EBF3: variants seen among roughly 807,000 people sequenced by gnomAD.
EBF3 encodes the protein EBF transcription factor 3.
Under a neutral mutation model 77.1 loss-of-function variants are expected in EBF3, and 18 were observed. The ratio of observed to expected loss-of-function variants is 0.23; its 90% CI spans 0.16 to 0.35. The LOEUF is 0.35. Ranked by LOEUF, EBF3 falls within the 10% of genes least tolerant of loss-of-function variation. EBF3 has a pLI of 1.00. For missense variants in EBF3, 558 were observed against 860.0 expected, an observed-to-expected ratio of 0.65 and a Z score of 4.39; for synonymous variants, 350 against 343.5, an observed-to-expected ratio of 1.02 and a Z score of -0.21.
intron 6 of EBF3, among the ~76,000 whole-genome samples, chr10:129,932,987 A>C (rs1475931272): frequency 6.9e-6 from 1 of 145,748 alleles, no homozygotes; most frequent in Non-Finnish European, 1.5e-5. Context: ...TGAGATTGCT[A>C]ATCAGGATTA....
At chr10:129,906,678 C>T (rs1855168259) in intron 6 of EBF3, among the ~76,000 whole-genome samples, 1 of 152,082 alleles carries the variant, frequency 6.6e-6, no homozygotes, top group Admixed American at 6.5e-5. Context: ...AAAACAAAAA[C>T]TTGAAAAAAA....
chr10:129,848,302 C>T lies in EBF3; in HGVS notation c.1128+90G>A. 7.5e-7 allele frequency: 1 copy of T among 1,337,298 alleles called. No homozygotes were observed. The allele number at this position is 1,337,298 out of a possible 1,614,324, so 82.8% of individuals were successfully genotyped here. On this transcript the variant is annotated intron_variant, in intron 11 of 16. Coordinates refer to ENST00000440978, the MANE Select transcript of EBF3 (RefSeq NM_001375380.1). This position sits in a 1 kb window ranked among gnomAD's most constrained non-coding sequence, Gnocchi z 4.4. Reference sequence around the variant, plus strand: ...ACAGAGTTTGGGGAATCTGCAATCCCCCCTTCCCAGAGCACCTGCTGCCCC... The same window carrying T: ...ACAGAGTTTGGGGAATCTGCAATCCTCCCTTCCCAGAGCACCTGCTGCCCC...
chr10:129,840,774 C>A, intron 14 of EBF3, 70 bp downstream of exon 14: 2 of 1,543,206 alleles, frequency 1.3e-6, no homozygotes, highest in Admixed American at 3.6e-5. Flanking sequence ...AACATCCAAG[C>A]AATGCACACA....
intron 10 of EBF3, among the ~76,000 whole-genome samples, chr10:129,854,536 T>C (rs1314759191): frequency 6.6e-6 from 1 of 152,124 alleles, no homozygotes; most frequent in Non-Finnish European, 1.5e-5. Flanking sequence ...TGATACGACG[T>C]GTAATACCCC....
chr10:129,908,655 T>C (rs184314717), intron 6 of EBF3, among the ~76,000 whole-genome samples: 1 of 152,344 alleles, frequency 6.6e-6, no homozygotes, highest in East Asian at 1.9e-4. Context: ...ATAAGCCGCG[T>C]TGCAGTTCGT....
At chr10:129,886,317 GCT>G (rs1426189704) in intron 6 of EBF3, among the ~76,000 whole-genome samples, 5 of 152,266 alleles carry the variant, frequency 3.3e-5, no homozygotes, top group African/African-American at 4.8e-5. Context: ...TGGGCGCACA[GCT>G]CTGAGTGGCA....
At chr10:129,912,255 G>A (rs993805898) in intron 6 of EBF3, among the ~76,000 whole-genome samples, 2 of 152,150 alleles carry the variant, frequency 1.3e-5, no homozygotes, top group Non-Finnish European at 2.9e-5. Flanking sequence ...AGGGCCCTGC[G>A]GCTCCTCTCC....
At chr10:129,946,719 C>T (rs1259681596) in intron 6 of EBF3, among the ~76,000 whole-genome samples, 1 of 152,210 alleles carries the variant, frequency 6.6e-6, no homozygotes, top group Non-Finnish European at 1.5e-5. Context: ...AGTGCCCCCA[C>T]ATTGTGGGGA....
At chr10:129,926,195 A>C (rs1205098957) in intron 6 of EBF3, among the ~76,000 whole-genome samples, 1 of 152,180 alleles carries the variant, frequency 6.6e-6, no homozygotes, top group East Asian at 1.9e-4. Context: ...ATTCATAATG[A>C]ATACCGAGAG....
chr10:129,842,425 G>T lies in EBF3; in HGVS notation c.1195-132C>A. On this transcript the variant is annotated intron_variant, in intron 12 of 16. Coordinates refer to ENST00000440978, the MANE Select transcript of EBF3 (RefSeq NM_001375380.1). The surrounding 1 kb of genome is among the most constrained non-coding windows in gnomAD (Gnocchi z 4.4). ...CATGACCAAATCTATTTCTTAATGG[G>T]CAAAGAGCTTCCCCTAGAAAATCAT... The T allele has an allele frequency of 1.9e-6, 2 of 1,030,206 alleles. No homozygotes were observed. Among genetic ancestry groups the T allele is most frequent in the Non-Finnish European group, 2.7e-6 (2 of 733,384 alleles). The allele number at this position is 1,030,206 out of a possible 1,614,324, so 63.8% of individuals were successfully genotyped here.
Position 129,885,537 on chromosome 10 carries a change from A to G in EBF3, c.555-7688T>C, listed in dbSNP as rs552669438. Among the ~76,000 whole-genome samples, 43 of 152,328 alleles carry G rather than the reference A, an allele frequency of 2.8e-4. No homozygotes were observed. Among genetic ancestry groups the G allele is most frequent in the African/African-American group, 9.6e-4 (40 of 41,574 alleles). On this transcript the variant is annotated intron_variant, in intron 6 of 16. Coordinates refer to ENST00000440978, the MANE Select transcript of EBF3 (RefSeq NM_001375380.1). The surrounding 1 kb of genome is among the most constrained non-coding windows in gnomAD (Gnocchi z 4.0). Reference sequence around the variant, plus strand: ...ACAACACAAAAGAAATGTGAAGTGCACTATATTTACACTAGGGTTCTTGTT... The same window carrying G: ...ACAACACAAAAGAAATGTGAAGTGCGCTATATTTACACTAGGGTTCTTGTT...
At position 129,851,000 on chromosome 10, in the gene EBF3, G is replaced by A. The variant is rs141578129; in HGVS notation, c.1040-2520C>T. On this transcript the variant is annotated intron_variant, in intron 10 of 16. Transcript: ENST00000440978. ...CCGAGCCAGGGCAAGGCGCTGGCAC[G>A]TCCAGTCACAGAGCCCCGAGCCAGG... Among the ~76,000 whole-genome samples the A allele has an allele frequency of 9.8e-3, 1,493 of 152,312 alleles. 52 individuals are homozygous for A. The highest frequency in any genetic ancestry group is 0.069 in the Admixed American group (1,050 of 15,304).
chr10:129,942,981 G>A (rs1486811278), intron 6 of EBF3, among the ~76,000 whole-genome samples: 1 of 152,190 alleles, frequency 6.6e-6, no homozygotes, highest in East Asian at 1.9e-4. Flanking sequence ...TTTACAGCAT[G>A]CACTTATGTA....
At chr10:129,962,263 G>C (rs1859582136) in intron 3 of EBF3, 37 bp from the exon 4 acceptor site, 1 of 1,609,998 alleles carries the variant, frequency 6.2e-7, no homozygotes, top group Non-Finnish European at 8.5e-7. Flanking sequence ...ATCAGGATTT[G>C]AGTGCTGCAC....
At chr10:129,867,677 G>A in intron 9 of EBF3, 105 bp downstream of exon 9, 1 of 1,540,924 alleles carries the variant, frequency 6.5e-7, no homozygotes. Context: ...GTGTTAAAAG[G>A]GGAATTTGCC....
chr10:129,956,441 A>G (rs1432026827), intron 6 of EBF3, among the ~76,000 whole-genome samples: 1 of 152,190 alleles, frequency 6.6e-6, no homozygotes, highest in Non-Finnish European at 1.5e-5. Flanking sequence ...GAAAGAAAGA[A>G]ATCCTCCTCT....
rs11017008 is a variant in EBF3 at position 129,904,460 on chromosome 10, G to A, written c.555-26611C>T. 5.9e-4 allele frequency among the ~76,000 whole-genome samples: 90 copies of A among 152,162 alleles called. 2 individuals are homozygous for A. The East Asian group carries it at 0.015, about 25-fold the overall frequency. On this transcript the variant is annotated intron_variant, in intron 6 of 16. Transcript: ENST00000440978. ...TGGATGGATGGATAAATGGATGGAT[G>A]GACAGACAAATGGAAGATAGATGGG... is the stretch of plus-strand genomic sequence containing the variant.
At position 129,879,818 on chromosome 10, in the gene EBF3, C is replaced by T. The variant is rs917989505; in HGVS notation, c.555-1969G>A. ...GCATTTGAACTGCATCAGAAAGGGC[C>T]TAACAAGGTGAGGGCGCCACCAAGT... On this transcript the variant is annotated intron_variant, in intron 6 of 16. Coordinates refer to ENST00000440978, the MANE Select transcript of EBF3 (RefSeq NM_001375380.1). The surrounding 1 kb of genome is among the most constrained non-coding windows in gnomAD (Gnocchi z 4.7). 1.3e-5 allele frequency among the ~76,000 whole-genome samples: 2 copies of T among 152,188 alleles called. No individual in the cohort carries two copies. Among genetic ancestry groups the T allele is most frequent in the Admixed American group, 6.5e-5 (1 of 15,286 alleles).
In EBF3 at chr10:129,897,224, T is replaced by C. The variant is rs1854458539; in HGVS notation, c.555-19375A>G. Among the ~76,000 whole-genome samples, 1 of 152,120 alleles carries C rather than the reference T, an allele frequency of 6.6e-6. No individual in the cohort carries two copies. ...CCACGCAGCCAGGAAGGGGTTCTGC[T>C]CTTCCTGTCCAAGTTCCTGGGGACA... is the stretch of plus-strand genomic sequence containing the variant. On this transcript the variant is annotated intron_variant, in intron 6 of 16. Transcript: ENST00000440978. This position sits in a 1 kb window ranked among gnomAD's most constrained non-coding sequence, Gnocchi z 4.6.
Sources: allele counts gnomAD v4.1 joint callset (sites outside exome capture counted in the v4.1 genomes callset), GRCh38; gene constraint gnomAD v4.1.1; non-coding constraint Gnocchi (gnomAD v3.1); transcripts MANE v1.5; gene names NCBI Gene and HGNC (gene_info 2026-07-23, HGNC 2026-07-21).